Variants in ABCC1 observed in about 807,000 individuals in gnomAD.
ABCC1 encodes the protein ATP binding cassette subfamily C member 1 (ABCC1 blood group).
ABCC1 carries 83 observed loss-of-function variants against 172.9 expected under a neutral mutation model. The ratio of observed to expected loss-of-function variants is 0.48; its 90% CI spans 0.40 to 0.58. The LOEUF (loss-of-function observed/expected upper bound fraction) is 0.58, where lower values mean the gene tolerates loss of function less well. Ranked by LOEUF, ABCC1 falls within the 20% of genes least tolerant of loss-of-function variation. The probability of loss-of-function intolerance (pLI) is 0.00; values close to 1 mark genes in which losing one functional copy is unlikely to be tolerated. For synonymous variants in ABCC1, 937 were observed against 825.2 expected (o/e 1.14, Z -2.32); for missense variants, 1,817 against 2,002.7 (o/e 0.91, Z 1.77).
At chr16:16,000,399 C>T (rs1039439575) in intron 1 of ABCC1, among the ~76,000 whole-genome samples, 1 of 151,524 alleles carries the variant, frequency 6.6e-6, no homozygotes, top group Non-Finnish European at 1.5e-5. Context: ...CCCGTGTCGG[C>T]CTCCCAAAGT....
In ABCC1 at chr16:15,963,337, G is replaced by A. The variant is rs2046178044; in HGVS notation, c.48+13538G>A. ...GTGTCTCCGTCTTTTCCAGGCACAC[G>A]ATGTAGCTGCAGGTGGATCTACCAT... On this transcript the variant is annotated intron_variant, in intron 1 of 30. Transcript: ENST00000399410. Among the ~76,000 whole-genome samples the A allele has an allele frequency of 5.3e-5, 8 of 152,338 alleles. No homozygotes were observed. In the South Asian group the frequency reaches 1.4e-3, roughly 28 times the overall value.
rs757403101 is a variant in ABCC1 at position 16,136,555 on chromosome 16, G to A, written c.4203G>A (p.Thr1401=). 4 of 1,614,042 alleles carry A rather than the reference G, an allele frequency of 2.5e-6. No homozygotes were observed. The highest frequency in any genetic ancestry group is 4.5e-5 in the East Asian group (2 of 44,888). Residue 1401 remains threonine (T), a synonymous_variant, in exon 29 of 31, where the codon ACG becomes ACA. Transcript: ENST00000399410. The part of the protein sequence containing the change: ...FSQYSDEEVW[T]SLELAHLKDF... ...AGTACTCGGATGAAGAAGTCTGGAC[G>A]TCCCTGGAGCTGGCCCACCTGAAGG...
At chr16:16,042,495 G>A (rs927671113) in intron 7 of ABCC1, among the ~76,000 whole-genome samples, 1 of 152,048 alleles carries the variant, frequency 6.6e-6, no homozygotes, top group African/African-American at 2.4e-5. Context: ...TTGAGGTCAG[G>A]AGTTCAAGAC....
chr16:15,963,408 G>C (rs113563629), intron 1 of ABCC1, among the ~76,000 whole-genome samples: 4,362 of 152,308 alleles, frequency 0.029, 217 homozygotes, highest in African/African-American at 0.098. Flanking sequence ...CCATTAGGCA[G>C]TACCCCAGTG....
chr16:16,103,995 A>T (rs1596505159), intron 20 of ABCC1, among the ~76,000 whole-genome samples: 1 of 152,000 alleles, frequency 6.6e-6, no homozygotes, highest in Non-Finnish European at 1.5e-5. Flanking sequence ...CTCAGGAGTG[A>T]AGCTGCAGAC....
intron 25 of ABCC1, among the ~76,000 whole-genome samples, chr16:16,125,305 T>A (rs983171832): frequency 6.6e-6 from 1 of 152,220 alleles, no homozygotes; most frequent in African/African-American, 2.4e-5. Context: ...CCATGAGTTA[T>A]TTTGGAAATG....
chr16:16,082,233 T>C (rs765504672), intron 16 of ABCC1, among the ~76,000 whole-genome samples: 1 of 152,210 alleles, frequency 6.6e-6, no homozygotes, highest in Non-Finnish European at 1.5e-5. Flanking sequence ...ACTTGAATGC[T>C]CTTCCCTCTT....
chr16:16,062,006 C>T (rs558044207), intron 12 of ABCC1, among the ~76,000 whole-genome samples: 6 of 151,972 alleles, frequency 3.9e-5, no homozygotes, highest in Non-Finnish European at 7.4e-5. Flanking sequence ...CTCCTGAGCT[C>T]GAGCAGTCCG....
intron 1 of ABCC1, among the ~76,000 whole-genome samples, chr16:16,004,424 C>A (rs1051568629): frequency 1.3e-5 from 2 of 152,082 alleles, no homozygotes; most frequent in African/African-American, 2.4e-5. Flanking sequence ...ATAATGACCA[C>A]CAACAGTTTA....
chr16:16,119,970 A>G (rs2045078765), intron 23 of ABCC1, among the ~76,000 whole-genome samples: 4 of 152,132 alleles, frequency 2.6e-5, no homozygotes, highest in Admixed American at 2.6e-4. Flanking sequence ...TCTGATCCAC[A>G]TTCCAGGAAT....
intron 6 of ABCC1, among the ~76,000 whole-genome samples, chr16:16,034,016 G>T (rs1237737712): frequency 9.5e-6 from 1 of 105,770 alleles, no homozygotes. Flanking sequence ...CCCCTAATAA[G>T]CATCATCTTT....
At chr16:15,962,437 A>T (rs559986563) in intron 1 of ABCC1, among the ~76,000 whole-genome samples, 1 of 152,338 alleles carries the variant, frequency 6.6e-6, no homozygotes, top group African/African-American at 2.4e-5. Flanking sequence ...AGAACAAACA[A>T]TACAAAGATA....
At position 16,124,804 on chromosome 16, in the gene ABCC1, G is replaced by C; in HGVS notation, c.3606G>C (p.Arg1202=). 1.2e-6 allele frequency: 2 copies of C among 1,614,144 alleles called. No individual in the cohort carries two copies. The highest frequency in any genetic ancestry group is 1.7e-6 in the Non-Finnish European group (2 of 1,180,034). ...SIVANRWLAV[R]LECVGNCIVL... is the part of the protein sequence containing the mutation. ...CTTGGCGCAGGTGGCTGGCCGTGCG[G>C]CTGGAGTGTGTGGGCAACTGCATCG... The change falls in exon 25 of 31, where the codon CGG becomes CGC. Residue 1202 remains arginine, a synonymous_variant. Coordinates refer to ENST00000399410, the MANE Select transcript of ABCC1 (RefSeq NM_004996.4).
intron 1 of ABCC1, among the ~76,000 whole-genome samples, chr16:15,976,715 T>C (rs765913243): frequency 7.2e-5 from 11 of 152,192 alleles, no homozygotes; most frequent in Admixed American, 2.0e-4. Flanking sequence ...ACAATAGCCA[T>C]AGTAGTGATA....
At chr16:15,973,937 A>G (rs909054564) in intron 1 of ABCC1, among the ~76,000 whole-genome samples, 1 of 152,088 alleles carries the variant, frequency 6.6e-6, no homozygotes, top group African/African-American at 2.4e-5. Flanking sequence ...GTGAGCCACG[A>G]TTGCACCACC....
In ABCC1 at chr16:15,949,696, A is replaced by C; in HGVS notation, c.-56A>C. Reference sequence around the variant, plus strand: ...CCCGGTGCCCGCCGCCGCCCGCGCCAGCAACCGGGCCCGATCACCCGCCGC... The same window carrying C: ...CCCGGTGCCCGCCGCCGCCCGCGCCCGCAACCGGGCCCGATCACCCGCCGC... On this transcript the variant is annotated 5_prime_UTR_variant, in exon 1 of 31. Transcript: ENST00000399410. The C allele has an allele frequency of 9.7e-7, 1 of 1,035,402 alleles. No homozygotes were observed. The highest frequency in any genetic ancestry group is 1.2e-6 in the Non-Finnish European group (1 of 861,380). The allele number at this position is 1,035,402 out of a possible 1,614,324, so 64.1% of individuals were successfully genotyped here. A position where few individuals can be genotyped will look rare whatever the true frequency, so the allele number is the denominator to read the frequency against.
intron 1 of ABCC1, among the ~76,000 whole-genome samples, chr16:15,963,171 T>C (rs1346673875): frequency 6.6e-6 from 1 of 152,236 alleles, no homozygotes; most frequent in Non-Finnish European, 1.5e-5. Flanking sequence ...TCAAGTTCCA[T>C]AGTTATCTCC....
intron 26 of ABCC1, among the ~76,000 whole-genome samples, chr16:16,130,588 G>T (rs2152131891): frequency 6.6e-6 from 1 of 152,226 alleles, no homozygotes; most frequent in Non-Finnish European, 1.5e-5. Flanking sequence ...GCACACTGTT[G>T]TCTAAACCGT....
intron 1 of ABCC1, among the ~76,000 whole-genome samples, chr16:15,992,004 T>C (rs1034410471): frequency 1.3e-5 from 2 of 152,148 alleles, no homozygotes; most frequent in African/African-American, 4.8e-5. Context: ...AGACTTCATC[T>C]GTATTTACAG....
Sources: gnomAD v4.1 joint callset for allele counts (sites outside exome capture counted in the v4.1 genomes callset) on GRCh38, gnomAD v4.1.1 for gene constraint, MANE v1.5 for transcripts, NCBI Gene and HGNC (gene_info 2026-07-23, HGNC 2026-07-21) for gene names.